Variants in INPP4B observed in about 807,000 individuals in gnomAD.
INPP4B encodes the protein inositol polyphosphate-4-phosphatase type II B.
A neutral mutation model predicts 122.5 loss-of-function variants in INPP4B; 55 were observed. The ratio of observed to expected loss-of-function variants is 0.45; its 90% CI spans 0.36 to 0.56. The LOEUF (loss-of-function observed/expected upper bound fraction) is 0.56, where lower values mean the gene tolerates loss of function less well. INPP4B is among the 20% of genes least tolerant of loss of function. The pLI is 0.00. For missense variants in INPP4B, 1,000 were observed against 1,097.7 expected, an observed-to-expected ratio of 0.91 and a Z score of 1.26; for synonymous variants, 403 against 388.7, an observed-to-expected ratio of 1.04 and a Z score of -0.43.
intron 25 of INPP4B, among the ~76,000 whole-genome samples, chr4:142,067,889 C>A (rs1441870335): frequency 1.3e-5 from 2 of 152,240 alleles, no homozygotes; most frequent in East Asian, 3.9e-4. Flanking sequence ...AGAATGGAAC[C>A]AAGTTGGAAA....
intron 1 of INPP4B, among the ~76,000 whole-genome samples, chr4:142,793,769 C>G (rs551555308): frequency 6.6e-6 from 1 of 151,442 alleles, no homozygotes; most frequent in Admixed American, 6.6e-5. Flanking sequence ...ACACCAGCAG[C>G]AAGGAGTCAG....
chr4:142,712,378 C>T (rs1411269064), intron 2 of INPP4B, among the ~76,000 whole-genome samples: 1 of 152,170 alleles, frequency 6.6e-6, no homozygotes. Context: ...CTTAACTGCG[C>T]TCCTGCTGGC....
chr4:142,211,948 A>AAGAG (rs1430771517), intron 12 of INPP4B, among the ~76,000 whole-genome samples: 3 of 152,064 alleles, frequency 2.0e-5, no homozygotes, highest in African/African-American at 7.2e-5. Flanking sequence ...TGATATAGTT[A>AAGAG]ATGGTGTTAA....
chr4:142,753,207 T>A (rs983666704), intron 1 of INPP4B, among the ~76,000 whole-genome samples: 4 of 152,184 alleles, frequency 2.6e-5, no homozygotes, highest in Non-Finnish European at 4.4e-5. Flanking sequence ...CAATTAGTTA[T>A]ATCTTGCTCT....
At chr4:142,455,369 A>G (rs889630273) in intron 3 of INPP4B, among the ~76,000 whole-genome samples, 3 of 152,024 alleles carry the variant, frequency 2.0e-5, no homozygotes, top group Admixed American at 1.3e-4. Flanking sequence ...CTAAGAGTTC[A>G]ATTGTTTTGA....
chr4:142,385,257 C>G (rs889590704), intron 7 of INPP4B, among the ~76,000 whole-genome samples: 3 of 152,094 alleles, frequency 2.0e-5, no homozygotes, highest in African/African-American at 7.2e-5. Flanking sequence ...TTCTCTGCAA[C>G]ATTGCCAGCA....
chr4:142,294,829 C>CTAAAAAAAAAAAAAAAA, intron 9 of INPP4B, among the ~76,000 whole-genome samples: 1 of 28,462 alleles, frequency 3.5e-5, no homozygotes, highest in Non-Finnish European at 6.4e-5. Context: ...GACTCCGTCT[C>CTAAAAAAAAAAAAAAAA]AAAAAAAAAA....
intron 11 of INPP4B, among the ~76,000 whole-genome samples, chr4:142,244,602 C>T (rs997823054): frequency 6.6e-6 from 1 of 152,080 alleles, no homozygotes; most frequent in African/African-American, 2.4e-5. Flanking sequence ...CATGCCCAGC[C>T]CACATTTTCT....
chr4:142,712,433 A>G (rs1560987380), intron 2 of INPP4B, among the ~76,000 whole-genome samples: 1 of 152,244 alleles, frequency 6.6e-6, no homozygotes. Context: ...CTGGATTAAC[A>G]GATAATCCAA....
At chr4:142,208,870 A>G in intron 13 of INPP4B, 26 bp downstream of exon 13, 1 of 1,466,752 alleles carries the variant, frequency 6.8e-7, no homozygotes, top group South Asian at 1.6e-5. Context: ...ATTCACTTTG[A>G]GTAAGTAGAG....
intron 11 of INPP4B, among the ~76,000 whole-genome samples, chr4:142,242,574 A>G (rs1162693679): frequency 2.0e-5 from 3 of 152,180 alleles, no homozygotes; most frequent in Non-Finnish European, 4.4e-5. Context: ...TTCATGCTGA[A>G]AAAACCAAGA....
At chr4:142,327,751 A>C (rs1772956971) in intron 7 of INPP4B, among the ~76,000 whole-genome samples, 1 of 152,146 alleles carries the variant, frequency 6.6e-6, no homozygotes, top group South Asian at 2.1e-4. Flanking sequence ...CGCTCTACCT[A>C]ATTCTCAAAA....
intron 7 of INPP4B, among the ~76,000 whole-genome samples, chr4:142,365,014 G>A (rs1277690850): frequency 6.6e-6 from 1 of 152,100 alleles, no homozygotes; most frequent in Non-Finnish European, 1.5e-5. Context: ...AGTGAGGTAA[G>A]AATAGGAGGA....
intron 16 of INPP4B, among the ~76,000 whole-genome samples, chr4:142,164,591 A>ATCCC (rs1821767997): frequency 6.6e-6 from 1 of 151,762 alleles, no homozygotes; most frequent in South Asian, 2.1e-4. Context: ...GGCAGCTCAT[A>ATCCC]TATATTATCC....
intron 6 of INPP4B, among the ~76,000 whole-genome samples, chr4:142,403,998 A>C (rs945443467): frequency 3.3e-5 from 5 of 152,194 alleles, no homozygotes; most frequent in Non-Finnish European, 7.3e-5. Flanking sequence ...AGAAAAAATC[A>C]AAATTAAATG....
intron 2 of INPP4B, among the ~76,000 whole-genome samples, chr4:142,507,231 T>C (rs1580238308): frequency 6.6e-6 from 1 of 152,162 alleles, no homozygotes; most frequent in Non-Finnish European, 1.5e-5. Context: ...TGGTGTCTTA[T>C]TTGTGTTTTA....
chr4:142,566,941 C>T (rs1205951178), intron 2 of INPP4B, among the ~76,000 whole-genome samples: 4 of 152,266 alleles, frequency 2.6e-5, no homozygotes, highest in African/African-American at 7.2e-5. Flanking sequence ...GTAAGGACTA[C>T]GTTCAGAGCC....
chr4:142,503,035 C>G (rs1823587449), intron 2 of INPP4B, among the ~76,000 whole-genome samples: 1 of 152,148 alleles, frequency 6.6e-6, no homozygotes, highest in African/African-American at 2.4e-5. Context: ...AATTGAGAGA[C>G]AAGCCTGGCA....
chr4:142,322,727 T>A (rs1431781421), intron 7 of INPP4B, among the ~76,000 whole-genome samples: 1 of 152,184 alleles, frequency 6.6e-6, no homozygotes, highest in Non-Finnish European at 1.5e-5. Context: ...GTAAAATTAG[T>A]TTTTAAAATG....
Sources: allele counts gnomAD v4.1 joint callset (sites outside exome capture counted in the v4.1 genomes callset), GRCh38; gene constraint gnomAD v4.1.1; transcripts MANE v1.5; gene names NCBI Gene and HGNC (gene_info 2026-07-23, HGNC 2026-07-21).